MAX: variants seen among roughly 807,000 people sequenced by gnomAD.
MAX encodes the protein protein max.
MAX carries 3 observed loss-of-function variants against 22.3 expected under a neutral mutation model. That is an observed-to-expected ratio of 0.13 (90% CI 0.06 to 0.35). MAX has a LOEUF of 0.35. Among genes scored for constraint, MAX ranks in the 10% least tolerant of loss-of-function variants. The probability of loss-of-function intolerance (pLI) is 1.00; values close to 1 mark genes in which losing one functional copy is unlikely to be tolerated. For missense variants in MAX, 119 were observed against 209.4 expected (o/e 0.57, Z 2.66); for synonymous variants, 72 against 77.7 (o/e 0.93, Z 0.39).
At chr14:65,019,412 G>A (rs1013735494) in intron 3 of MAX, among the ~76,000 whole-genome samples, 2 of 151,448 alleles carry the variant, frequency 1.3e-5, no homozygotes, top group African/African-American at 4.9e-5. Flanking sequence ...GCTTGAATCC[G>A]GGAGGCAGAG....
chr14:65,021,943 G>C lies in MAX; in HGVS notation c.172-15659C>G, dbSNP rs542438001. 254 of 456,054 alleles carry C rather than the reference G, an allele frequency of 5.6e-4. 6 individuals are homozygous for C. The highest frequency in any genetic ancestry group is 3.9e-3 in the South Asian group (251 of 64,562). The allele number at this position is 456,054 out of a possible 1,614,324, so 28.3% of individuals were successfully genotyped here. On this transcript the variant is annotated intron_variant, in intron 3 of 3. Coordinates refer to the MAX transcript ENST00000341653. ...TTATAGGCGTGAGCCACTGCGCCCG[G>C]CCTATAGTAGCCAACTTTCGACCTG...
chr14:65,008,133 G>A (rs2061624890), intron 3 of MAX, among the ~76,000 whole-genome samples: 2 of 152,092 alleles, frequency 1.3e-5, no homozygotes, highest in African/African-American at 2.4e-5. Flanking sequence ...ACCTTTCCTC[G>A]ATTGCTTTAT....
chr14:65,102,226 G>T, intron 1 of MAX, 78 bp downstream of exon 1: 1 of 1,593,784 alleles, frequency 6.3e-7, no homozygotes, highest in Non-Finnish European at 8.5e-7. Context: ...GCCCCCTCCC[G>T]CCGTCGCCCC....
intron 3 of MAX, among the ~76,000 whole-genome samples, chr14:65,050,661 A>AT (rs1230437167): frequency 5.3e-5 from 8 of 152,248 alleles, no homozygotes; most frequent in African/African-American, 1.9e-4. Context: ...TGGTAGCTAT[A>AT]TAAAGTCTTT....
intron 3 of MAX, among the ~76,000 whole-genome samples, chr14:65,060,697 C>CAAAAAAAAAAAA (rs59036615): frequency 6.2e-5 from 3 of 48,608 alleles, no homozygotes; most frequent in East Asian, 5.1e-4. Flanking sequence ...GACTCCGTCT[C>CAAAAAAAAAAAA]AAAAAAAAAA....
At chr14:65,033,685 G>A (rs900066322) in intron 3 of MAX, among the ~76,000 whole-genome samples, 10 of 152,186 alleles carry the variant, frequency 6.6e-5, no homozygotes, top group African/African-American at 1.4e-4. Flanking sequence ...GTGACACCCC[G>A]TCTCTACTAA....
At chr14:65,037,748 ATTTATTTAT>A (rs1566562881) in intron 3 of MAX, among the ~76,000 whole-genome samples, 2,278 of 75,446 alleles carry the variant, frequency 0.03, 67 homozygotes, top group East Asian at 0.16. Context: ...TTTATTATTT[ATTTATTTAT>A]TTATTTATTT....
rs2061684438 is a variant in MAX, at chr14:65,011,588, A to G, written c.172-5304T>C. Among the ~76,000 whole-genome samples, 1 of 152,212 alleles carries G rather than the reference A, an allele frequency of 6.6e-6. No individual in the cohort carries two copies. The highest frequency in any genetic ancestry group is 1.5e-5 in the Non-Finnish European group (1 of 68,036). ...CTGCAAGCACGGGGAACATCTTGACAATCTGTGCTTTTTGTTTCCTTCCCT... is the reference window on the plus strand; with the variant it reads ...CTGCAAGCACGGGGAACATCTTGACGATCTGTGCTTTTTGTTTCCTTCCCT... On this transcript the variant is annotated intron_variant, in intron 3 of 3. Transcript: ENST00000341653. The surrounding 1 kb of genome is among the most constrained non-coding windows in gnomAD (Gnocchi z 4.0).
intron 3 of MAX, among the ~76,000 whole-genome samples, chr14:65,053,510 C>T (rs1431400143): frequency 1.3e-5 from 2 of 152,000 alleles, no homozygotes; most frequent in African/African-American, 4.8e-5. Context: ...TTGGGAGCAC[C>T]CCTTGAGGCC....
chr14:65,016,819 C>T (rs561969635), intron 3 of MAX, among the ~76,000 whole-genome samples: 1 of 151,732 alleles, frequency 6.6e-6, no homozygotes, highest in Non-Finnish European at 1.5e-5. Context: ...TTTTGATCAT[C>T]GGGATGCCAC....
chr14:65,066,033 G>A (rs1408769204), intron 3 of MAX, among the ~76,000 whole-genome samples: 1 of 152,250 alleles, frequency 6.6e-6, no homozygotes, highest in Non-Finnish European at 1.5e-5. Context: ...TCTGAAGGAA[G>A]GTGAGAGGTC....
chr14:65,037,745 TTTATTTATTTA>T (rs2062240090), intron 3 of MAX, among the ~76,000 whole-genome samples: 2 of 55,066 alleles, frequency 3.6e-5, no homozygotes, highest in African/African-American at 1.4e-4. Flanking sequence ...TTATTTATTA[TTTATTTATTTA>T]TTTATTTATT....
intron 3 of MAX, among the ~76,000 whole-genome samples, chr14:65,013,780 T>C (rs552806634): frequency 3.9e-4 from 59 of 152,358 alleles, no homozygotes; most frequent in African/African-American, 1.4e-3. Context: ...GCTCCTGACC[T>C]CAAGTGATCC....
chr14:65,022,708 CAT>C (rs1342518774), intron 3 of MAX, among the ~76,000 whole-genome samples: 2 of 152,026 alleles, frequency 1.3e-5, no homozygotes, highest in Non-Finnish European at 2.9e-5. Flanking sequence ...TTACAACTCT[CAT>C]GTGAATTCCC....
At chr14:65,095,803 C>T (rs2063649827) in intron 2 of MAX, among the ~76,000 whole-genome samples, 1 of 152,190 alleles carries the variant, frequency 6.6e-6, no homozygotes. Context: ...TACCCACAAT[C>T]CCTCTTGTTG....
chr14:65,006,404 T>A, intron 3 of MAX: 1 of 1,452,112 alleles, frequency 6.9e-7, no homozygotes, highest in South Asian at 1.3e-5. Context: ...ATTCCTCTTG[T>A]CATGAGATAC....
intron 2 of MAX, among the ~76,000 whole-genome samples, chr14:65,095,868 C>T (rs1314675310): frequency 6.6e-6 from 1 of 152,196 alleles, no homozygotes; most frequent in East Asian, 1.9e-4. Context: ...CTGCAAATCT[C>T]AAACAGCTAG....
intron 3 of MAX, chr14:65,089,779 A>T (rs2063448382): frequency 8.5e-6 from 1 of 118,206 alleles, no homozygotes; most frequent in African/African-American, 3.9e-5. Context: ...AAAAAAAAAA[A>T]AAAAAAAAAA....
At chr14:65,019,031 G>A (rs2061835212) in intron 3 of MAX, among the ~76,000 whole-genome samples, 1 of 152,122 alleles carries the variant, frequency 6.6e-6, no homozygotes, top group African/African-American at 2.4e-5. Flanking sequence ...TGAGACAAGA[G>A]TCTCCTTCTG....
Sources: allele counts gnomAD v4.1 joint callset (sites outside exome capture counted in the v4.1 genomes callset), GRCh38; gene constraint gnomAD v4.1.1; non-coding constraint Gnocchi (gnomAD v3.1); transcripts MANE v1.5; gene names NCBI Gene and HGNC (gene_info 2026-07-23, HGNC 2026-07-21).